The following NUP210L variants were observed in gnomAD, a reference collection of about 807,000 sequenced individuals.
The protein encoded by NUP210L is nucleoporin 210 like, also known as nuclear pore membrane glycoprotein 210-like.
Under a neutral mutation model 208.5 loss-of-function variants are expected in NUP210L, and 74 were observed. That is an observed-to-expected ratio of 0.35 (90% CI 0.29 to 0.43). The LOEUF is 0.43. NUP210L is among the 20% of genes least tolerant of loss of function. The pLI is 1.00. For missense variants in NUP210L, 1,843 were observed against 2,289.4 expected (o/e 0.81, Z 3.98); for synonymous variants, 780 against 816.9 (o/e 0.95, Z 0.77).
chr1:153,996,102 C>A (rs1323568114), intron 37 of NUP210L: 2 of 290,748 alleles, frequency 6.9e-6, no homozygotes, highest in Non-Finnish European at 1.4e-5. Context: ...ACCATCCTGG[C>A]TAACATGGTG....
intron 25 of NUP210L, among the ~76,000 whole-genome samples, chr1:154,050,483 G>A (rs1653426677): frequency 1.3e-5 from 2 of 152,114 alleles, no homozygotes; most frequent in Admixed American, 6.6e-5. Flanking sequence ...TGGTGTTATT[G>A]TCCAAGAGCA....
chr1:154,119,968 C>G (rs547613459), intron 10 of NUP210L, among the ~76,000 whole-genome samples: 2 of 152,184 alleles, frequency 1.3e-5, no homozygotes, highest in Non-Finnish European at 2.9e-5. Context: ...GGAATCGCCA[C>G]GCTGACTTCC....
At chr1:154,119,019 G>T (rs1003943851) in intron 10 of NUP210L, among the ~76,000 whole-genome samples, 2 of 151,834 alleles carry the variant, frequency 1.3e-5, no homozygotes, top group African/African-American at 4.8e-5. Context: ...TAATGAAAAG[G>T]GTTTTGCTAG....
chr1:154,122,472 C>G (rs1043790149), intron 10 of NUP210L, among the ~76,000 whole-genome samples: 39 of 151,938 alleles, frequency 2.6e-4, no homozygotes, highest in Admixed American at 1.3e-3. Context: ...CTGGCTAACA[C>G]AGCGAAACCC....
intron 16 of NUP210L, among the ~76,000 whole-genome samples, chr1:154,075,797 T>C (rs1655001016): frequency 6.6e-6 from 1 of 152,060 alleles, no homozygotes; most frequent in Non-Finnish European, 1.5e-5. Flanking sequence ...CTTTTTTTTT[T>C]TTCCTTTTTT....
chr1:153,995,863 C>A, intron 37 of NUP210L: 1 of 580,084 alleles, frequency 1.7e-6, no homozygotes, highest in Non-Finnish European at 3.3e-6. Context: ...TCCATGTGTG[C>A]TAAATGTGTT....
intron 34 of NUP210L, among the ~76,000 whole-genome samples, chr1:154,011,535 T>G (rs968263408): frequency 1.1e-4 from 16 of 150,716 alleles, no homozygotes; most frequent in African/African-American, 3.2e-4. Flanking sequence ...TCTATTTTTT[T>G]TTTTTTTCTG....
At chr1:154,056,701 T>C in intron 23 of NUP210L, 114 bp downstream of exon 23, 1 of 1,080,502 alleles carries the variant, frequency 9.3e-7, no homozygotes, top group South Asian at 1.8e-5. Flanking sequence ...CATGGTGGTG[T>C]GAGCCACTGT....
At chr1:154,070,575 T>A in intron 16 of NUP210L, 110 bp from the exon 17 acceptor site, 1 of 736,366 alleles carries the variant, frequency 1.4e-6, no homozygotes, top group Non-Finnish European at 2.0e-6. Context: ...ATTTTTACCT[T>A]AAAAATTTGC....
chr1:154,000,093 A>C (rs1239591826), intron 37 of NUP210L, among the ~76,000 whole-genome samples: 1 of 152,132 alleles, frequency 6.6e-6, no homozygotes, highest in Non-Finnish European at 1.5e-5. Context: ...GGCCTCCCAA[A>C]GTGCTGGAAT....
intron 28 of NUP210L, among the ~76,000 whole-genome samples, chr1:154,029,401 A>AC (rs1184803485): frequency 1.8e-5 from 2 of 112,766 alleles, no homozygotes; most frequent in African/African-American, 6.7e-5. Flanking sequence ...AAAAAAAAAA[A>AC]CCACAAAAAA....
chr1:154,089,763 G>A (rs1655810733), intron 15 of NUP210L, among the ~76,000 whole-genome samples, 169 bp from the exon 16 acceptor site: 2 of 151,934 alleles, frequency 1.3e-5, no homozygotes, highest in South Asian at 2.1e-4. Flanking sequence ...CTATGCTAAA[G>A]GGCATTAATA....
intron 12 of NUP210L, among the ~76,000 whole-genome samples, chr1:154,106,332 T>C (rs1656760610): frequency 6.6e-6 from 1 of 152,120 alleles, no homozygotes; most frequent in Admixed American, 6.6e-5. Context: ...GCCAGCTTAG[T>C]CGCAGTAGAA....
chr1:153,993,574 A>C (rs1302725091), intron 38 of NUP210L, among the ~76,000 whole-genome samples: 8 of 151,390 alleles, frequency 5.3e-5, no homozygotes, highest in Non-Finnish European at 1.2e-4. Context: ...TCAGAAAAAA[A>C]AAAAAAAGTG....
intron 27 of NUP210L, among the ~76,000 whole-genome samples, chr1:154,040,364 C>T (rs1172204636): frequency 6.8e-6 from 1 of 147,782 alleles, no homozygotes; most frequent in Non-Finnish European, 1.5e-5. Flanking sequence ...TATAATAAGA[C>T]CTTGTATCAA....
intron 25 of NUP210L, among the ~76,000 whole-genome samples, chr1:154,050,067 T>C (rs973064697): frequency 2.6e-5 from 4 of 152,154 alleles, no homozygotes; most frequent in African/African-American, 7.2e-5. Flanking sequence ...CCCAATATTA[T>C]GATCATTTAC....
intron 37 of NUP210L, among the ~76,000 whole-genome samples, chr1:153,997,408 T>G (rs1289826585): frequency 6.6e-6 from 1 of 151,708 alleles, no homozygotes; most frequent in Non-Finnish European, 1.5e-5. Context: ...CCCAAAGTGT[T>G]GGGATTACAA....
At position 154,057,690 on chromosome 1, in the gene NUP210L, ATGTGTGTGTGTGTGTGTGTGTGTG is replaced by A. The variant is rs4060104; in HGVS notation, c.3107+375_3107+398del. Among the ~76,000 whole-genome samples, 27 of 125,484 alleles carry A rather than the reference ATGTGTGTGTGTGTGTGTGTGTGTG, an allele frequency of 2.2e-4. 1 individual carries two copies. Among genetic ancestry groups the A allele is most frequent in the African/African-American group, 8.0e-4 (27 of 33,874 alleles). The allele number at this position is 125,484 out of a possible 152,430, so 82.3% of individuals were successfully genotyped here. A position where few individuals can be genotyped will look rare whatever the true frequency, so the allele number is the denominator to read the frequency against. On this transcript the variant is annotated intron_variant, in intron 22 of 39. Coordinates refer to ENST00000368559, the Ensembl canonical transcript of NUP210L. ...CAAACAAGGCATCTGAGGACCTCGA[ATGTGTGTGTGTGTGTGTGTGTGTG>A]TGTGTGTGTGTGTGTGTGTGTGTAT... is the stretch of plus-strand genomic sequence containing the variant.
At chr1:154,027,109 A>G (rs1010019503) in intron 29 of NUP210L, among the ~76,000 whole-genome samples, 14 of 150,810 alleles carry the variant, frequency 9.3e-5, no homozygotes, top group Admixed American at 2.0e-4. Flanking sequence ...AAAAAAAAAA[A>G]ACAAAAAACA....
Sources: gnomAD v4.1 joint callset for allele counts (sites outside exome capture counted in the v4.1 genomes callset) on GRCh38, gnomAD v4.1.1 for gene constraint, MANE v1.5 for transcripts, NCBI Gene and HGNC (gene_info 2026-07-23, HGNC 2026-07-21) for gene names.